Variants in CA10 observed in about 807,000 individuals in gnomAD.
CA10 encodes the protein carbonic anhydrase 10 (inactive).
Under a neutral mutation model 44.2 loss-of-function variants are expected in CA10, and 14 were observed. That is an observed-to-expected ratio of 0.32 (90% CI 0.21 to 0.50). The LOEUF is 0.50. Among genes scored for constraint, CA10 ranks in the 20% least tolerant of loss-of-function variants. The pLI is 0.99. For synonymous variants in CA10, 159 were observed against 141.6 expected, an observed-to-expected ratio of 1.12 and a Z score of -0.87; for missense variants, 350 against 409.7, an observed-to-expected ratio of 0.85 and a Z score of 1.26.
chr17:51,757,483 C>T (rs1012306101), intron 3 of CA10, among the ~76,000 whole-genome samples: 4 of 152,150 alleles, frequency 2.6e-5, no homozygotes, highest in African/African-American at 7.2e-5. Flanking sequence ...AAGTAGCAAA[C>T]CCAAGATTAG....
At chr17:51,690,546 G>A (rs759235831) in intron 4 of CA10, among the ~76,000 whole-genome samples, 11 of 152,106 alleles carry the variant, frequency 7.2e-5, no homozygotes, top group East Asian at 1.9e-4. Flanking sequence ...GGAGGTAATC[G>A]AATCATGGGG....
At chr17:51,835,363 T>C (rs1455813792) in intron 3 of CA10, among the ~76,000 whole-genome samples, 1 of 152,192 alleles carries the variant, frequency 6.6e-6, no homozygotes, top group East Asian at 1.9e-4. Context: ...CCTTGACCCA[T>C]ATATTTTGTG....
intron 7 of CA10, among the ~76,000 whole-genome samples, chr17:51,635,336 A>C (rs1157549537): frequency 6.6e-6 from 1 of 152,058 alleles, no homozygotes; most frequent in African/African-American, 2.4e-5. Flanking sequence ...AACATGATGA[A>C]ACCCCATCTC....
chr17:52,150,820 T>C (rs1989687731), intron 1 of CA10, among the ~76,000 whole-genome samples: 1 of 152,160 alleles, frequency 6.6e-6, no homozygotes. Flanking sequence ...GCTAAAGACA[T>C]TGTTATTATT....
In CA10 at chr17:51,793,991, T is replaced by C. The variant is rs938966302; in HGVS notation, c.280-46173A>G. ...CACATCAAATGGCAAATGGTGACTGTGGGACCCACCTCTGCAAAGTCAACA... is the reference window on the plus strand; with the variant it reads ...CACATCAAATGGCAAATGGTGACTGCGGGACCCACCTCTGCAAAGTCAACA... On this transcript the variant is annotated intron_variant, in intron 3 of 8. Transcript: ENST00000451037. Among the ~76,000 whole-genome samples the C allele has an allele frequency of 5.3e-5, 8 of 152,206 alleles. 1 individual carries two copies. The highest frequency in any genetic ancestry group is 1.5e-5 in the Non-Finnish European group (1 of 68,034).
intron 4 of CA10, among the ~76,000 whole-genome samples, chr17:51,657,815 A>G (rs923433381): frequency 2.6e-5 from 4 of 152,196 alleles, no homozygotes; most frequent in African/African-American, 4.8e-5. Flanking sequence ...TGATTTGACT[A>G]AGACTGCAGG....
intron 4 of CA10, among the ~76,000 whole-genome samples, chr17:51,712,508 G>A (rs1011222308): frequency 2.6e-5 from 4 of 152,184 alleles, no homozygotes; most frequent in African/African-American, 9.6e-5. Flanking sequence ...GACATTTAAA[G>A]CTAAAGGATT....
At chr17:51,880,815 T>C (rs1164902431) in intron 3 of CA10, among the ~76,000 whole-genome samples, 1 of 152,058 alleles carries the variant, frequency 6.6e-6, no homozygotes, top group Non-Finnish European at 1.5e-5. Flanking sequence ...TCATAGTGCA[T>C]TGATAGATGA....
At chr17:52,043,973 T>G (rs562910957) in intron 2 of CA10, among the ~76,000 whole-genome samples, 1 of 152,202 alleles carries the variant, frequency 6.6e-6, no homozygotes, top group East Asian at 2.0e-4. Context: ...TTGCTGAGGA[T>G]TTTTGCATCT....
At position 52,090,867 on chromosome 17, in the gene CA10, C is replaced by A. The variant is rs565807400; in HGVS notation, c.62-18474G>T. 6.6e-4 allele frequency among the ~76,000 whole-genome samples: 100 copies of A among 152,210 alleles called. 1 individual carries two copies. Among genetic ancestry groups the A allele is most frequent in the Middle Eastern group, 6.8e-3 (2 of 294 alleles). Reference sequence around the variant, plus strand: ...GTAGATTATCTGATGATCTGGGCTTCTTTAAAGGAAAGATAAGTGGATACC... The same window carrying A: ...GTAGATTATCTGATGATCTGGGCTTATTTAAAGGAAAGATAAGTGGATACC... On this transcript the variant is annotated intron_variant, in intron 1 of 8. Coordinates refer to ENST00000451037, the MANE Select transcript of CA10 (RefSeq NM_020178.5).
chr17:51,635,750 G>T (rs1464654799), intron 7 of CA10, 105 bp downstream of exon 7: 3 of 855,950 alleles, frequency 3.5e-6, no homozygotes, highest in East Asian at 2.7e-5. Flanking sequence ...GTGGGACTTT[G>T]TTATAGTGGT....
At chr17:51,915,808 C>T (rs1003332577) in intron 3 of CA10, among the ~76,000 whole-genome samples, 1 of 152,072 alleles carries the variant, frequency 6.6e-6, no homozygotes, top group African/African-American at 2.4e-5. Flanking sequence ...TGGCTCACTC[C>T]AGTATCTGTC....
At chr17:52,033,174 G>A (rs1252225000) in intron 2 of CA10, among the ~76,000 whole-genome samples, 2 of 152,158 alleles carry the variant, frequency 1.3e-5, no homozygotes, top group Non-Finnish European at 2.9e-5. Context: ...CAAAATGAAA[G>A]AGCAAGGACA....
intron 3 of CA10, among the ~76,000 whole-genome samples, chr17:51,809,903 C>T (rs1907288452): frequency 2.0e-5 from 3 of 152,144 alleles, no homozygotes; most frequent in African/African-American, 7.2e-5. Flanking sequence ...AAAGAGCTGG[C>T]CTTTGATTCC....
At chr17:52,078,980 A>T (rs113060253) in intron 1 of CA10, among the ~76,000 whole-genome samples, 555 of 152,278 alleles carry the variant, frequency 3.6e-3, no homozygotes, top group African/African-American at 0.012. Flanking sequence ...CAGAGAATAT[A>T]TCTTATTTTA....
intron 4 of CA10, among the ~76,000 whole-genome samples, chr17:51,715,077 G>A (rs1032229209): frequency 6.6e-6 from 1 of 152,150 alleles, no homozygotes. Context: ...GGACACGGAT[G>A]AAACTGGAAA....
At chr17:52,062,003 G>C (rs1987399374) in intron 2 of CA10, among the ~76,000 whole-genome samples, 1 of 151,650 alleles carries the variant, frequency 6.6e-6, no homozygotes, top group Non-Finnish European at 1.5e-5. Context: ...ATTTCTGAGG[G>C]AGAAAACCTC....
At chr17:51,937,692 C>T (rs1982921150) in intron 2 of CA10, among the ~76,000 whole-genome samples, 1 of 152,120 alleles carries the variant, frequency 6.6e-6, no homozygotes, top group Non-Finnish European at 1.5e-5. Context: ...CTCTTCAGGA[C>T]ACTCAGTATG....
intron 4 of CA10, among the ~76,000 whole-genome samples, chr17:51,666,934 G>A (rs1003042993): frequency 1.4e-4 from 21 of 152,136 alleles, no homozygotes; most frequent in Admixed American, 1.3e-3. Flanking sequence ...CTTATTCCAA[G>A]AAACAAGACA....
Sources: allele counts gnomAD v4.1 joint callset (sites outside exome capture counted in the v4.1 genomes callset), GRCh38; gene constraint gnomAD v4.1.1; transcripts MANE v1.5; gene names NCBI Gene and HGNC (gene_info 2026-07-23, HGNC 2026-07-21).